CNTN4: variants seen among roughly 807,000 people sequenced by gnomAD.
CNTN4 encodes contactin-4.
CNTN4 carries 77 observed loss-of-function variants against 122.5 expected under a neutral mutation model. The ratio of observed to expected loss-of-function variants is 0.63; its 90% CI spans 0.52 to 0.76. The LOEUF (loss-of-function observed/expected upper bound fraction) is 0.76, where lower values mean the gene tolerates loss of function less well. Among genes scored for constraint, CNTN4 ranks in the 30% least tolerant of loss-of-function variants. The probability of loss-of-function intolerance (pLI) is 0.00; values close to 1 mark genes in which losing one functional copy is unlikely to be tolerated. For synonymous variants in CNTN4, 512 were observed against 447.0 expected, an observed-to-expected ratio of 1.15 and a Z score of -1.83; for missense variants, 1,256 against 1,259.1, an observed-to-expected ratio of 1.00 and a Z score of 0.04.
intron 2 of CNTN4, among the ~76,000 whole-genome samples, chr3:2,326,336 C>T (rs753200825): frequency 4.6e-5 from 7 of 152,118 alleles, no homozygotes; most frequent in Non-Finnish European, 8.8e-5. Flanking sequence ...GGAAATACAG[C>T]ATCTCACGTC....
At chr3:2,617,609 G>C (rs1197268575) in intron 4 of CNTN4, among the ~76,000 whole-genome samples, 2 of 151,834 alleles carry the variant, frequency 1.3e-5, no homozygotes, top group African/African-American at 4.8e-5. Flanking sequence ...TTTTAGTACA[G>C]ACGGAGTTTC....
At chr3:2,677,667 A>C (rs898954460) in intron 4 of CNTN4, among the ~76,000 whole-genome samples, 1 of 152,158 alleles carries the variant, frequency 6.6e-6, no homozygotes, top group Non-Finnish European at 1.5e-5. Flanking sequence ...TAAGCATTTT[A>C]AACAGTTGAC....
chr3:2,916,091 C>T (rs911567893), intron 12 of CNTN4, among the ~76,000 whole-genome samples: 2 of 152,122 alleles, frequency 1.3e-5, no homozygotes, highest in Non-Finnish European at 1.5e-5. Flanking sequence ...AAAACATTCT[C>T]GCAATGAGTT....
intron 4 of CNTN4, among the ~76,000 whole-genome samples, chr3:2,584,055 G>A (rs1205902690): frequency 6.6e-6 from 1 of 152,118 alleles, no homozygotes; most frequent in Non-Finnish European, 1.5e-5. Context: ...ATGAGCTTGA[G>A]GAAATTGCTT....
chr3:2,735,960 C>A, intron 4 of CNTN4: 1 of 595,914 alleles, frequency 1.7e-6, no homozygotes, highest in South Asian at 1.4e-5. Flanking sequence ...AGACGTCAAG[C>A]AGCCTGCGCC....
chr3:2,199,857 A>G (rs908177673), intron 2 of CNTN4, among the ~76,000 whole-genome samples: 2 of 152,198 alleles, frequency 1.3e-5, no homozygotes, highest in Non-Finnish European at 2.9e-5. Flanking sequence ...ATGAAGGTTA[A>G]GGACGTTCTT....
At chr3:3,036,827 T>C (rs888711911) in intron 17 of CNTN4, among the ~76,000 whole-genome samples, 3 of 152,080 alleles carry the variant, frequency 2.0e-5, no homozygotes, top group Non-Finnish European at 4.4e-5. Context: ...TACTTTTACC[T>C]TTCTCAGAGG....
At chr3:2,997,271 G>A (rs1240852456) in intron 14 of CNTN4, among the ~76,000 whole-genome samples, 1 of 152,200 alleles carries the variant, frequency 6.6e-6, no homozygotes, top group Non-Finnish European at 1.5e-5. Context: ...ATGTAGACTG[G>A]TTTTATGTGC....
At position 3,001,612 on chromosome 3, in the gene CNTN4, C is replaced by G. The variant is rs564945038; in HGVS notation, c.1486+13140C>G. Among the ~76,000 whole-genome samples the G allele has an allele frequency of 4.5e-4, 68 of 152,068 alleles. 1 individual carries two copies. ...AAACTGACCCCAGACCTAATTATTCCGTATTATCTTATAGCTCTAAATCAC... is the reference window on the plus strand; with the variant it reads ...AAACTGACCCCAGACCTAATTATTCGGTATTATCTTATAGCTCTAAATCAC... On this transcript the variant is annotated intron_variant, in intron 14 of 24. Coordinates refer to ENST00000418658, the MANE Select transcript of CNTN4 (RefSeq NM_175607.3).
In CNTN4 at chr3:2,873,178, G is replaced by A. The variant is rs73112758; in HGVS notation, c.652+6229G>A. 8.4e-3 allele frequency among the ~76,000 whole-genome samples: 1,277 copies of A among 152,152 alleles called. 19 individuals are homozygous for A. The highest frequency in any genetic ancestry group is 0.03 in the African/African-American group (1,227 of 41,518). ...TAAGACAAATCATTACCATTTCTTT[G>A]GTCCTTAGTCTTCTCAGCTATGCAA... On this transcript the variant is annotated intron_variant, in intron 8 of 24. Coordinates refer to ENST00000418658, the MANE Select transcript of CNTN4 (RefSeq NM_175607.3).
intron 3 of CNTN4, among the ~76,000 whole-genome samples, chr3:2,389,645 A>AG (rs2046374298): frequency 6.6e-6 from 1 of 152,208 alleles, no homozygotes; most frequent in African/African-American, 2.4e-5. Flanking sequence ...TTCCATGAGA[A>AG]AATGGATCTT....
intron 3 of CNTN4, among the ~76,000 whole-genome samples, chr3:2,459,902 G>T (rs1016534773): frequency 2.6e-5 from 4 of 152,114 alleles, no homozygotes; most frequent in African/African-American, 9.7e-5. Flanking sequence ...TTCTTCCCTT[G>T]TATTTATGGA....
chr3:2,871,991 AG>A (rs2093790297), intron 8 of CNTN4, among the ~76,000 whole-genome samples: 1 of 152,114 alleles, frequency 6.6e-6, no homozygotes, highest in African/African-American at 2.4e-5. Context: ...GAACCATGAG[AG>A]GGAGAAAGTA....
At chr3:2,320,482 T>C (rs1445996350) in intron 2 of CNTN4, among the ~76,000 whole-genome samples, 1 of 152,164 alleles carries the variant, frequency 6.6e-6, no homozygotes, top group Non-Finnish European at 1.5e-5. Flanking sequence ...CACCTTAACA[T>C]AGAATCAATC....
At chr3:2,362,981 A>G (rs77254424) in intron 3 of CNTN4, among the ~76,000 whole-genome samples, 2,722 of 152,054 alleles carry the variant, frequency 0.018, 89 homozygotes, top group African/African-American at 0.063. Context: ...CTTTTTCTTT[A>G]TATTTTCTTA....
intron 4 of CNTN4, among the ~76,000 whole-genome samples, chr3:2,711,116 T>A (rs2087120968): frequency 6.6e-6 from 1 of 152,202 alleles, no homozygotes; most frequent in South Asian, 2.1e-4. Context: ...CATTGTCAGT[T>A]TTTGATGACT....
At chr3:2,507,325 C>T (rs1264400396) in intron 3 of CNTN4, among the ~76,000 whole-genome samples, 2 of 151,880 alleles carry the variant, frequency 1.3e-5, no homozygotes, top group African/African-American at 4.8e-5. Context: ...TGGTAACAAC[C>T]AAAAATCAGG....
intron 2 of CNTN4, among the ~76,000 whole-genome samples, chr3:2,130,973 G>A (rs1216854509): frequency 6.6e-6 from 1 of 152,196 alleles, no homozygotes; most frequent in African/African-American, 2.4e-5. Context: ...TGGGCTGACA[G>A]TGTGTTTGGT....
In CNTN4 at chr3:2,179,189, T is replaced by G. The variant is rs116281851; in HGVS notation, c.-145+78550T>G. ...GTGGTAATTATGTTGAGAGTAATCA[T>G]CATGTAATTGCACATAATTATTTGT... is the stretch of plus-strand genomic sequence containing the variant. On this transcript the variant is annotated intron_variant, in intron 2 of 24. Transcript: ENST00000418658. Among the ~76,000 whole-genome samples the G allele has an allele frequency of 2.3e-3, 347 of 152,204 alleles. 2 individuals are homozygous for G. The highest frequency in any genetic ancestry group is 7.7e-3 in the African/African-American group (321 of 41,556).
Sources: gnomAD v4.1 joint callset for allele counts (sites outside exome capture counted in the v4.1 genomes callset) on GRCh38, gnomAD v4.1.1 for gene constraint, MANE v1.5 for transcripts, NCBI Gene and HGNC (gene_info 2026-07-23, HGNC 2026-07-21) for gene names.